Variants in MAGI2 observed in about 807,000 individuals in gnomAD.
MAGI2 encodes the protein membrane associated guanylate kinase, WW and PDZ domain containing 2.
Under a neutral mutation model 133.3 loss-of-function variants are expected in MAGI2, and 35 were observed. The ratio of observed to expected loss-of-function variants is 0.26; its 90% CI spans 0.20 to 0.35. The LOEUF (loss-of-function observed/expected upper bound fraction) is 0.35, where lower values mean the gene tolerates loss of function less well. Among genes scored for constraint, MAGI2 ranks in the 10% least tolerant of loss-of-function variants. The pLI is 1.00. For synonymous variants in MAGI2, 729 were observed against 710.6 expected, an observed-to-expected ratio of 1.03 and a Z score of -0.41; for missense variants, 1,636 against 1,863.4, an observed-to-expected ratio of 0.88 and a Z score of 2.25.
At chr7:78,693,772 T>C (rs2151129355) in intron 2 of MAGI2, among the ~76,000 whole-genome samples, 1 of 152,256 alleles carries the variant, frequency 6.6e-6, no homozygotes, top group South Asian at 2.1e-4. Flanking sequence ...CCACCTTATG[T>C]TAGTAGTTCA....
chr7:78,491,418 C>T (rs10260232), intron 5 of MAGI2, among the ~76,000 whole-genome samples: 100,984 of 151,942 alleles, frequency 0.66, 35,753 homozygotes, highest in African/African-American at 0.91. Context: ...CTGAAGAAGA[C>T]GCCATTTTAT....
intron 1 of MAGI2, among the ~76,000 whole-genome samples, chr7:79,286,437 C>T (rs1715954435): frequency 6.6e-6 from 1 of 151,972 alleles, no homozygotes; most frequent in South Asian, 2.1e-4. Flanking sequence ...TCAGGTAAAT[C>T]ACACTCCACG....
chr7:78,790,723 C>T (rs1456085271), intron 2 of MAGI2, among the ~76,000 whole-genome samples: 6 of 152,046 alleles, frequency 3.9e-5, no homozygotes, highest in African/African-American at 7.2e-5. Context: ...TGTGAGCCAC[C>T]GTGCCCGGCC....
intron 2 of MAGI2, among the ~76,000 whole-genome samples, chr7:78,995,577 C>G (rs1806212753): frequency 6.6e-6 from 1 of 152,032 alleles, no homozygotes; most frequent in Non-Finnish European, 1.5e-5. Flanking sequence ...TATGTTTTTT[C>G]AATTGTGGGT....
chr7:79,039,693 G>A (rs1811440442), intron 1 of MAGI2, among the ~76,000 whole-genome samples: 1 of 151,462 alleles, frequency 6.6e-6, no homozygotes, highest in African/African-American at 2.4e-5. Flanking sequence ...TAAAAAGTGG[G>A]CAAAGAGGTT....
intron 1 of MAGI2, among the ~76,000 whole-genome samples, chr7:79,186,141 T>C (rs973624261): frequency 6.7e-6 from 1 of 148,256 alleles, no homozygotes; most frequent in Non-Finnish European, 1.5e-5. Flanking sequence ...ACACCATTTT[T>C]ACCATTTGTT....
At chr7:78,201,131 TA>T in intron 11 of MAGI2, 30 bp downstream of exon 11, 1 of 1,423,070 alleles carries the variant, frequency 7.0e-7, no homozygotes, top group Non-Finnish European at 9.5e-7. Flanking sequence ...TAAGTAGAAA[TA>T]AAGAAAGAAG....
intron 3 of MAGI2, chr7:78,615,603 G>C (rs892244327): frequency 1.3e-5 from 2 of 152,230 alleles, no homozygotes; most frequent in African/African-American, 4.8e-5. Flanking sequence ...CCAGATCCCA[G>C]TGCCAAAGGG....
intron 1 of MAGI2, among the ~76,000 whole-genome samples, chr7:79,409,284 C>T (rs1585874849): frequency 1.1e-5 from 1 of 89,942 alleles, no homozygotes; most frequent in South Asian, 4.4e-4. Flanking sequence ...TTTTGTCTGT[C>T]TCTCTCTCTC....
chr7:78,634,445 T>C (rs1344990659), intron 2 of MAGI2, among the ~76,000 whole-genome samples: 3 of 152,210 alleles, frequency 2.0e-5, no homozygotes, highest in African/African-American at 7.2e-5. Flanking sequence ...TATTAGTTGA[T>C]GTTACGTCAA....
intron 2 of MAGI2, among the ~76,000 whole-genome samples, chr7:78,833,467 G>A (rs1431694352): frequency 1.3e-5 from 2 of 152,078 alleles, no homozygotes; most frequent in Non-Finnish European, 2.9e-5. Flanking sequence ...ATTATTTCTC[G>A]ACCTGCCAAT....
At chr7:78,428,397 C>T (rs1799485814) in intron 6 of MAGI2, among the ~76,000 whole-genome samples, 1 of 152,120 alleles carries the variant, frequency 6.6e-6, no homozygotes, top group Non-Finnish European at 1.5e-5. Flanking sequence ...AGAATCCTTG[C>T]TTATCCTTGT....
At chr7:78,460,278 G>A (rs766776220) in intron 6 of MAGI2, among the ~76,000 whole-genome samples, 2 of 152,186 alleles carry the variant, frequency 1.3e-5, no homozygotes, top group African/African-American at 2.4e-5. Flanking sequence ...GGTAACTTAC[G>A]CAGGTCACAC....
At chr7:78,453,340 G>A (rs1293718805) in intron 6 of MAGI2, among the ~76,000 whole-genome samples, 1 of 152,168 alleles carries the variant, frequency 6.6e-6, no homozygotes, top group South Asian at 2.1e-4. Context: ...TCTTTCTTCA[G>A]GGATAAAAGG....
Position 79,352,276 on chromosome 7 carries a change from C to G in MAGI2, c.301+100744G>C, listed in dbSNP as rs182156746. On this transcript the variant is annotated intron_variant, in intron 1 of 21. Transcript: ENST00000354212. ...ATGGATGACTCGGAGAATGCACAAA[C>G]AGCTTTGTCTCATTTGGGAAAATAT... Among the ~76,000 whole-genome samples, 13 of 152,306 alleles carry G rather than the reference C, an allele frequency of 8.5e-5. No homozygotes were observed. The East Asian group carries it at 1.7e-3, about 20-fold the overall frequency.
intron 7 of MAGI2, among the ~76,000 whole-genome samples, chr7:78,348,806 G>A (rs970190462): frequency 6.6e-6 from 1 of 152,140 alleles, no homozygotes; most frequent in Non-Finnish European, 1.5e-5. Flanking sequence ...AACAAAATTA[G>A]GTTGAAGTTA....
chr7:78,654,078 A>G (rs907219746), intron 2 of MAGI2, among the ~76,000 whole-genome samples: 2 of 152,228 alleles, frequency 1.3e-5, no homozygotes, highest in African/African-American at 4.8e-5. Flanking sequence ...TTAATTATCC[A>G]GAATTATCCT....
chr7:78,358,003 T>TAA (rs149685383), intron 7 of MAGI2, among the ~76,000 whole-genome samples: 4 of 149,150 alleles, frequency 2.7e-5, no homozygotes, highest in African/African-American at 9.8e-5. Flanking sequence ...TTTTTATTGT[T>TAA]AAAAAAAAGA....
rs1193507764 is a variant in MAGI2 at position 78,030,489 on chromosome 7, T to TC, written c.3707-10514_3707-10513insG. Reference sequence around the variant, plus strand: ...CCAGGATGGTCTTGATCTCTTGACCTTATGATCCACCCACCTTGGCCTCCC... The same window carrying TC: ...CCAGGATGGTCTTGATCTCTTGACCTCTATGATCCACCCACCTTGGCCTCCC... On this transcript the variant is annotated intron_variant, in intron 21 of 21. Coordinates refer to ENST00000354212, the MANE Select transcript of MAGI2 (RefSeq NM_012301.4). Among the ~76,000 whole-genome samples, 12 of 152,284 alleles carry TC rather than the reference T, an allele frequency of 7.9e-5. No individual in the cohort carries two copies. In the East Asian group the frequency reaches 2.3e-3, roughly 29 times the overall value.
Sources: gnomAD v4.1 joint callset for allele counts (sites outside exome capture counted in the v4.1 genomes callset) on GRCh38, gnomAD v4.1.1 for gene constraint, MANE v1.5 for transcripts, NCBI Gene and HGNC (gene_info 2026-07-23, HGNC 2026-07-21) for gene names.